The following SGCE variants were observed in gnomAD, a reference collection of about 807,000 sequenced individuals.
SGCE encodes epsilon-sarcoglycan.
Under a neutral mutation model 57.8 loss-of-function variants are expected in SGCE, and 26 were observed. That is an observed-to-expected ratio of 0.45 (90% confidence interval 0.33 to 0.62). The LOEUF is 0.62. Ranked by LOEUF, SGCE falls within the 20% of genes least tolerant of loss-of-function variation. The pLI is 0.02. For synonymous variants in SGCE, 183 were observed against 189.5 expected, an observed-to-expected ratio of 0.97 and a Z score of 0.28; for missense variants, 468 against 548.6, an observed-to-expected ratio of 0.85 and a Z score of 1.47.
intron 8 of SGCE, 99 bp downstream of exon 8, chr7:94,599,598 A>G: frequency 1.1e-6 from 1 of 921,742 alleles, no homozygotes; most frequent in South Asian, 1.4e-5. Flanking sequence ...ATGAAAGATG[A>G]CAAATGAAAA....
At chr7:94,590,269 T>C (rs1019788396) in intron 9 of SGCE, among the ~76,000 whole-genome samples, 1 of 152,164 alleles carries the variant, frequency 6.6e-6, no homozygotes, top group South Asian at 2.1e-4. Flanking sequence ...TTTAACATAT[T>C]ATTTTTAATT....
At chr7:94,633,320 A>G (rs1450376530) in intron 1 of SGCE, among the ~76,000 whole-genome samples, 17 of 152,124 alleles carry the variant, frequency 1.1e-4, no homozygotes, top group African/African-American at 4.1e-4. Flanking sequence ...GCATAGCTAG[A>G]TTTACAAAGA....
At chr7:94,622,354 G>A (rs1802925853) in intron 4 of SGCE, 1 of 152,230 alleles carries the variant, frequency 6.6e-6, no homozygotes, top group South Asian at 2.1e-4. Context: ...CAGGCCAGGT[G>A]TGGTGGTTCG....
At chr7:94,625,425 T>C (rs1335767619) in intron 3 of SGCE, 1 of 152,054 alleles carries the variant, frequency 6.6e-6, no homozygotes, top group African/African-American at 2.4e-5. Flanking sequence ...TCATAAAGTA[T>C]ATAATGAATG....
At chr7:94,603,170 G>A in intron 6 of SGCE, 120 bp downstream of exon 6, 1 of 730,946 alleles carries the variant, frequency 1.4e-6, no homozygotes, top group Non-Finnish European at 2.3e-6. Context: ...CTCAAGGGAA[G>A]TCAACTGCAG....
chr7:94,592,640 A>C (rs1013323105), intron 9 of SGCE, among the ~76,000 whole-genome samples: 2 of 152,192 alleles, frequency 1.3e-5, no homozygotes, highest in African/African-American at 4.8e-5. Context: ...TGCAAGAGTA[A>C]TAACTTGCAA....
intron 9 of SGCE, among the ~76,000 whole-genome samples, chr7:94,592,830 A>G (rs527325305): frequency 2.2e-4 from 34 of 152,328 alleles, no homozygotes; most frequent in African/African-American, 7.2e-4. Flanking sequence ...ATTTGCATAA[A>G]GCCACAGAAT....
rs187181690 is a variant in SGCE, at chr7:94,593,302, T to G, written c.1254-4570A>C. Among the ~76,000 whole-genome samples, 17 of 152,060 alleles carry G rather than the reference T, an allele frequency of 1.1e-4. No homozygotes were observed. In the East Asian group the frequency reaches 2.9e-3, roughly 26 times the overall value. On this transcript the variant is annotated intron_variant, in intron 9 of 10. Coordinates refer to ENST00000648936, the MANE Select transcript of SGCE (RefSeq NM_003919.3). ...TGTTTAGAATAATGAATAAGGAAAA[T>G]TTTTGTGTAGCAAATTAATATCTTC...
chr7:94,655,603 A>G (rs1323999951), intron 1 of SGCE, among the ~76,000 whole-genome samples: 2 of 152,150 alleles, frequency 1.3e-5, no homozygotes, highest in South Asian at 2.1e-4. Context: ...GCAGAGCCCA[A>G]TCGCGGGGAA....
intron 6 of SGCE, among the ~76,000 whole-genome samples, chr7:94,603,076 T>C (rs939043642): frequency 1.3e-5 from 2 of 152,120 alleles, no homozygotes; most frequent in African/African-American, 4.8e-5. Context: ...GCCCCAGCAA[T>C]TAATCAAGGA....
At chr7:94,609,999 C>A (rs1474182702) in intron 5 of SGCE, among the ~76,000 whole-genome samples, 2 of 152,016 alleles carry the variant, frequency 1.3e-5, no homozygotes, top group Non-Finnish European at 2.9e-5. Flanking sequence ...CGTGGTACAT[C>A]CAGAAAATGG....
At chr7:94,587,060 C>G (rs1480242814) in intron 10 of SGCE, 1 of 985,002 alleles carries the variant, frequency 1.0e-6, no homozygotes, top group Non-Finnish European at 1.2e-6. Context: ...GCTTTCTTGA[C>G]TCAAGCAAAA....
chr7:94,602,099 A>G (rs1463070338), intron 6 of SGCE, among the ~76,000 whole-genome samples: 2 of 152,154 alleles, frequency 1.3e-5, no homozygotes, highest in African/African-American at 2.4e-5. Context: ...CTCATTTTCC[A>G]GAACAACCAC....
intron 10 of SGCE, chr7:94,587,736 A>G (rs1341904126): frequency 6.5e-7 from 1 of 1,533,958 alleles, no homozygotes. Flanking sequence ...TCTGATAAAC[A>G]TCTTGTAATT....
At chr7:94,606,226 T>C (rs1449975818) in intron 5 of SGCE, among the ~76,000 whole-genome samples, 1 of 152,132 alleles carries the variant, frequency 6.6e-6, no homozygotes, top group Admixed American at 6.5e-5. Context: ...ATACTCTTTA[T>C]AAAAAATATC....
At chr7:94,596,763 C>T (rs1448679409) in intron 9 of SGCE, among the ~76,000 whole-genome samples, 2 of 152,068 alleles carry the variant, frequency 1.3e-5, no homozygotes, top group Non-Finnish European at 2.9e-5. Flanking sequence ...TGGTTAGCTA[C>T]AGGATTTGTT....
At chr7:94,600,513 T>G in intron 7 of SGCE, 133 bp downstream of exon 7, 2 of 677,086 alleles carry the variant, frequency 3.0e-6, no homozygotes, top group Non-Finnish European at 5.2e-6. Flanking sequence ...AATAAAGTAT[T>G]GCAGTTTGGA....
chr7:94,625,444 A>G (rs1308755518), intron 3 of SGCE: 2 of 151,998 alleles, frequency 1.3e-5, no homozygotes, highest in African/African-American at 4.8e-5. Flanking sequence ...TGCACTCACA[A>G]TGAACTCTTA....
At chr7:94,619,211 T>C (rs1164425193) in intron 4 of SGCE, 2 of 350,294 alleles carry the variant, frequency 5.7e-6, no homozygotes, top group Admixed American at 4.5e-5. Flanking sequence ...TTTATAGTTA[T>C]AGAATTTGGC....
Sources: gnomAD v4.1 joint callset for allele counts (sites outside exome capture counted in the v4.1 genomes callset) on GRCh38, gnomAD v4.1.1 for gene constraint, MANE v1.5 for transcripts, NCBI Gene and HGNC (gene_info 2026-07-23, HGNC 2026-07-21) for gene names.